The following DLGAP2 variants were observed in gnomAD, a reference collection of about 807,000 sequenced individuals.
DLGAP2 encodes disks large-associated protein 2.
A neutral mutation model predicts 100.3 loss-of-function variants in DLGAP2; 26 were observed. The observed-to-expected ratio is 0.26, with a 90% CI of 0.19 to 0.36. The LOEUF is 0.36. DLGAP2 is among the 10% of genes least tolerant of loss of function. The pLI, the probability that DLGAP2 is intolerant of heterozygous loss-of-function variation, is 1.00. For synonymous variants in DLGAP2, 886 were observed against 630.1 expected, an observed-to-expected ratio of 1.41 and a Z score of -6.08; for missense variants, 1,858 against 1,453.2, an observed-to-expected ratio of 1.28 and a Z score of -4.53.
chr8:1,417,727 A>ACGGGGGGCCCCACT, intron 3 of DLGAP2, among the ~76,000 whole-genome samples: 1 of 111,518 alleles, frequency 9.0e-6, no homozygotes, highest in African/African-American at 3.1e-5. Context: ...GAGGCTCCAG[A>ACGGGGGGCCCCACT]CACAGAAGCC....
At chr8:1,308,034 C>G (rs984292999) in intron 3 of DLGAP2, among the ~76,000 whole-genome samples, 1 of 152,122 alleles carries the variant, frequency 6.6e-6, no homozygotes, top group Admixed American at 6.5e-5. Context: ...CCAAAAAGAA[C>G]CCATGTACAT....
At chr8:1,616,688 G>C (rs970051425) in intron 6 of DLGAP2, among the ~76,000 whole-genome samples, 2 of 152,174 alleles carry the variant, frequency 1.3e-5, no homozygotes, top group Admixed American at 1.3e-4. Flanking sequence ...TCAAACAGAA[G>C]CTAAGGAATC....
At chr8:1,496,614 T>C (rs1255440528) in intron 3 of DLGAP2, among the ~76,000 whole-genome samples, 1 of 152,074 alleles carries the variant, frequency 6.6e-6, no homozygotes, top group African/African-American at 2.4e-5. Flanking sequence ...CGGCGCCCTA[T>C]GTTTGATTAA....
intron 1 of DLGAP2, chr8:883,226 C>G (rs562215643): frequency 4.6e-5 from 7 of 152,452 alleles, no homozygotes; most frequent in African/African-American, 1.7e-4. Context: ...GCCACGGCCT[C>G]CACGTGCAGT....
intron 1 of DLGAP2, among the ~76,000 whole-genome samples, chr8:749,970 C>T (rs1374095582): frequency 1.3e-5 from 2 of 152,208 alleles, no homozygotes; most frequent in African/African-American, 4.8e-5. Flanking sequence ...CCTGGGGTCT[C>T]CCCTTCCATC....
At chr8:1,195,910 C>A (rs889335700) in intron 2 of DLGAP2, among the ~76,000 whole-genome samples, 15 of 152,168 alleles carry the variant, frequency 9.9e-5, no homozygotes, top group East Asian at 9.6e-4. Context: ...CTAATTCTCC[C>A]ACAAAGTGCA....
intron 1 of DLGAP2, among the ~76,000 whole-genome samples, chr8:836,121 G>C (rs1039330700): frequency 2.6e-5 from 4 of 152,186 alleles, no homozygotes; most frequent in African/African-American, 4.8e-5. Flanking sequence ...GTTCCTGAAC[G>C]CTTTTTCTCT....
At chr8:1,680,752 C>A (rs1490885610) in intron 12 of DLGAP2, 1 of 152,254 alleles carries the variant, frequency 6.6e-6, no homozygotes, top group Admixed American at 6.5e-5. Context: ...TTTTCTGCAG[C>A]ATCTTCCACC....
intron 5 of DLGAP2, among the ~76,000 whole-genome samples, chr8:1,559,202 C>T (rs1020489549): frequency 6.6e-6 from 1 of 152,128 alleles, no homozygotes; most frequent in African/African-American, 2.4e-5. Flanking sequence ...AATTGATTGG[C>T]GTTAAATGCA....
At chr8:757,813 G>A (rs1820957699) in intron 1 of DLGAP2, among the ~76,000 whole-genome samples, 1 of 152,238 alleles carries the variant, frequency 6.6e-6, no homozygotes, top group South Asian at 2.1e-4. Context: ...GAAAGTCACT[G>A]TGTAATCAAA....
chr8:1,469,793 C>T (rs996736108), intron 3 of DLGAP2, among the ~76,000 whole-genome samples: 1 of 152,064 alleles, frequency 6.6e-6, no homozygotes. Flanking sequence ...TGAGAGGAAC[C>T]AACTTTAAAA....
intron 2 of DLGAP2, among the ~76,000 whole-genome samples, chr8:962,752 G>A (rs955617602): frequency 2.6e-5 from 4 of 152,202 alleles, no homozygotes; most frequent in African/African-American, 9.6e-5. Context: ...TGGCCGTAGC[G>A]GCAGGGGTGG....
At chr8:1,316,314 A>G (rs1253513779) in intron 3 of DLGAP2, among the ~76,000 whole-genome samples, 1 of 131,856 alleles carries the variant, frequency 7.6e-6, no homozygotes, top group African/African-American at 2.8e-5. Context: ...CACTCGAGAA[A>G]CTTGGCAGCG....
chr8:1,374,053 A>G (rs1400237450), intron 3 of DLGAP2, among the ~76,000 whole-genome samples: 2 of 151,626 alleles, frequency 1.3e-5, no homozygotes, highest in South Asian at 2.1e-4. Context: ...GGTGGAGGTT[A>G]GGTTAGGTTT....
intron 1 of DLGAP2, among the ~76,000 whole-genome samples, chr8:772,745 G>A (rs556357135): frequency 6.6e-6 from 1 of 152,204 alleles, no homozygotes; most frequent in African/African-American, 2.4e-5. Flanking sequence ...GAGGGATGTG[G>A]GGTCATGGCG....
chr8:1,004,815 C>T (rs1801059799), intron 2 of DLGAP2, among the ~76,000 whole-genome samples: 1 of 152,186 alleles, frequency 6.6e-6, no homozygotes. Flanking sequence ...AGTATTGCAG[C>T]TGAAGTGTCC....
At chr8:1,585,808 T>C (rs1266419825) in intron 6 of DLGAP2, among the ~76,000 whole-genome samples, 1 of 152,166 alleles carries the variant, frequency 6.6e-6, no homozygotes, top group Non-Finnish European at 1.5e-5. Context: ...AACTGTAAAA[T>C]TATGACTCAT....
intron 12 of DLGAP2, 132 bp downstream of exon 12, chr8:1,678,761 G>A (rs767342174): frequency 7.2e-6 from 7 of 972,884 alleles, no homozygotes; most frequent in Admixed American, 3.6e-5. Context: ...GTGCTTTCTA[G>A]TATATCCCCC....
At chr8:1,617,278 T>C (rs896692632) in intron 6 of DLGAP2, among the ~76,000 whole-genome samples, 2 of 152,244 alleles carry the variant, frequency 1.3e-5, no homozygotes, top group African/African-American at 4.8e-5. Context: ...GTAGTTCTGT[T>C]TTTAGTTCTT....
Sources: gnomAD v4.1 joint callset for allele counts (sites outside exome capture counted in the v4.1 genomes callset) on GRCh38, gnomAD v4.1.1 for gene constraint, MANE v1.5 for transcripts, NCBI Gene and HGNC (gene_info 2026-07-23, HGNC 2026-07-21) for gene names.